Variants in BAZ1A observed in about 807,000 individuals in gnomAD.
The protein encoded by BAZ1A is bromodomain adjacent to zinc finger domain protein 1A.
BAZ1A carries 50 observed loss-of-function variants against 185.2 expected under a neutral mutation model. That is an observed-to-expected ratio of 0.27 (90% CI 0.22 to 0.34). BAZ1A has a LOEUF of 0.34. Ranked by LOEUF, BAZ1A falls within the 10% of genes least tolerant of loss-of-function variation. The pLI is 1.00. For missense variants in BAZ1A, 1,356 were observed against 1,839.9 expected, an observed-to-expected ratio of 0.74 and a Z score of 4.81; for synonymous variants, 571 against 615.6, an observed-to-expected ratio of 0.93 and a Z score of 1.07.
At chr14:34,786,605 G>GTT (rs1205690538) in intron 12 of BAZ1A, 158 of 119,118 alleles carry the variant, frequency 1.3e-3, no homozygotes, top group Non-Finnish European at 1.9e-3. Context: ...TTTTATGTGT[G>GTT]TTTTTTTTTT....
chr14:34,767,134 A>G (rs1878901390), intron 21 of BAZ1A, among the ~76,000 whole-genome samples: 1 of 152,172 alleles, frequency 6.6e-6, no homozygotes, highest in Non-Finnish European at 1.5e-5. Flanking sequence ...ATCTTTATCT[A>G]TGTTGTTTTG....
At chr14:34,756,824 A>G (rs2138524718) in intron 25 of BAZ1A, among the ~76,000 whole-genome samples, 1 of 152,194 alleles carries the variant, frequency 6.6e-6, no homozygotes, top group Non-Finnish European at 1.5e-5. Flanking sequence ...GACCATCAGC[A>G]TCATCTGGGG....
chr14:34,868,898 ATG>A (rs3062620), intron 2 of BAZ1A, among the ~76,000 whole-genome samples: 39,197 of 95,832 alleles, frequency 0.41, 5,732 homozygotes, highest in East Asian at 0.62. Context: ...GTAAGTATGT[ATG>A]TGTGTGTGTG....
chr14:34,832,452 CA>C (rs34242045), intron 3 of BAZ1A, among the ~76,000 whole-genome samples: 1,966 of 140,922 alleles, frequency 0.014, 16 homozygotes, highest in African/African-American at 0.018. Flanking sequence ...TCTCACAACT[CA>C]AAAAAAAAAA....
chr14:34,826,456 T>C (rs2042166589), intron 3 of BAZ1A, among the ~76,000 whole-genome samples: 1 of 152,212 alleles, frequency 6.6e-6, no homozygotes. Context: ...TAAAGTTAGG[T>C]TGCTGATGTG....
intron 7 of BAZ1A, 85 bp downstream of exon 7, chr14:34,802,769 T>G: frequency 7.1e-7 from 1 of 1,401,778 alleles, no homozygotes; most frequent in Non-Finnish European, 9.7e-7. Context: ...AGGCTATGGA[T>G]GTGAGGGGAG....
chr14:34,786,583 G>T (rs1880453289), intron 12 of BAZ1A: 2 of 150,356 alleles, frequency 1.3e-5, no homozygotes, highest in Non-Finnish European at 1.4e-5. Flanking sequence ...TCTATTTAAA[G>T]ATACTCCAAT....
At chr14:34,865,383 A>T (rs1309215119) in intron 2 of BAZ1A, among the ~76,000 whole-genome samples, 2 of 152,146 alleles carry the variant, frequency 1.3e-5, no homozygotes, top group Non-Finnish European at 2.9e-5. Flanking sequence ...TAACCATATA[A>T]TTCATTATTC....
At chr14:34,812,227 G>C (rs934733737) in intron 4 of BAZ1A, among the ~76,000 whole-genome samples, 1 of 151,598 alleles carries the variant, frequency 6.6e-6, no homozygotes, top group Non-Finnish European at 1.5e-5. Context: ...CAGAGATCTG[G>C]GGGGGGAGGG....
chr14:34,827,596 G>A (rs539865957), intron 3 of BAZ1A, among the ~76,000 whole-genome samples: 15 of 151,982 alleles, frequency 9.9e-5, no homozygotes, highest in African/African-American at 1.4e-4. Context: ...TTAGCCAGGC[G>A]TGGTGGCGGG....
At chr14:34,832,213 C>CATATATATAT (rs1491212993) in intron 3 of BAZ1A, among the ~76,000 whole-genome samples, 45 of 78,650 alleles carry the variant, frequency 5.7e-4, no homozygotes, top group Non-Finnish European at 6.9e-4. Context: ...CACACACACA[C>CATATATATAT]ACATATATAT....
chr14:34,825,447 C>CAAAAAAAAAAAAAAA lies in BAZ1A; in HGVS notation c.536+551_536+565dup, dbSNP rs35449855. On this transcript the variant is annotated intron_variant, in intron 4 of 26. Coordinates refer to ENST00000360310, the MANE Select transcript of BAZ1A (RefSeq NM_013448.3). ...GGGCAACAAGATGGAAACTCTGTCTCAAAAAAAAAAAAAAAAAAAAAAAAA... is the reference window on the plus strand; with the variant it reads ...GGGCAACAAGATGGAAACTCTGTCTCAAAAAAAAAAAAAAAAAAAAAAAAAAAAAAAAAAAAAAAA... 1.6e-4 allele frequency among the ~76,000 whole-genome samples: 9 copies of CAAAAAAAAAAAAAAA among 55,424 alleles called. 1 individual carries two copies. The highest frequency in any genetic ancestry group is 2.7e-4 in the Non-Finnish European group (8 of 29,582). 36.4% of individuals were successfully genotyped at this position (55,424 alleles called of 152,430 possible).
chr14:34,871,673 G>A (rs1011053770), intron 2 of BAZ1A, among the ~76,000 whole-genome samples: 4 of 152,238 alleles, frequency 2.6e-5, no homozygotes, highest in Admixed American at 6.5e-5. Flanking sequence ...AGGAGATCCA[G>A]ACCATTCTGG....
At chr14:34,868,750 G>C (rs1390159409) in intron 2 of BAZ1A, among the ~76,000 whole-genome samples, 2 of 151,728 alleles carry the variant, frequency 1.3e-5, no homozygotes, top group Non-Finnish European at 2.9e-5. Flanking sequence ...GCAGTGAGCC[G>C]AGATGGAGCC....
intron 3 of BAZ1A, among the ~76,000 whole-genome samples, chr14:34,855,156 A>G (rs947533919): frequency 6.6e-6 from 1 of 152,170 alleles, no homozygotes; most frequent in Non-Finnish European, 1.5e-5. Flanking sequence ...TTTTAAGTTC[A>G]GCCTAAAGGT....
intron 16 of BAZ1A, among the ~76,000 whole-genome samples, chr14:34,781,064 T>C (rs1156533629): frequency 6.6e-6 from 1 of 152,188 alleles, no homozygotes; most frequent in East Asian, 1.9e-4. Flanking sequence ...GTTTAATTCA[T>C]TATATTATCC....
In BAZ1A at chr14:34,874,503, G is replaced by A. The variant is rs2043009176; in HGVS notation, c.102C>T (p.Phe34=). The change falls in exon 2 of 27, where the codon TTC becomes TTT. Residue 34 remains phenylalanine, a synonymous_variant. Transcript: ENST00000360310. The surrounding 1 kb of genome is among the most constrained non-coding windows in gnomAD (Gnocchi z 4.7). The part of the protein sequence containing the change: ...VFYCKVTNEI[F]RHYDDFFERT... ...GGCCCGGCTCTTACTCGTAGTGGCG[G>A]AAGATCTCGTTGGTGACTTTACAGT... 6 of 1,612,642 alleles carry A rather than the reference G, an allele frequency of 3.7e-6. No individual in the cohort carries two copies. The highest frequency in any genetic ancestry group is 1.7e-5 in the Admixed American group (1 of 59,978).
At position 34,798,229 on chromosome 14, in the gene BAZ1A, A is replaced by T. The variant is rs575572479; in HGVS notation, c.1128+1995T>A. Reference sequence around the variant, plus strand: ...GGGCGGAGCCCACCGCAGCTCTGAAAGGCCTGCTGCGTCTGTAGACCACAC... The same window carrying T: ...GGGCGGAGCCCACCGCAGCTCTGAATGGCCTGCTGCGTCTGTAGACCACAC... On this transcript the variant is annotated intron_variant, in intron 9 of 26. Transcript: ENST00000360310. Among the ~76,000 whole-genome samples, 87 of 152,392 alleles carry T rather than the reference A, an allele frequency of 5.7e-4. 1 individual carries two copies. Among genetic ancestry groups the T allele is most frequent in the Middle Eastern group, 3.4e-3 (1 of 294 alleles).
chr14:34,805,411 C>T (rs2891295), intron 6 of BAZ1A, among the ~76,000 whole-genome samples: 89,230 of 151,938 alleles, frequency 0.59, 26,392 homozygotes, highest in South Asian at 0.67. Context: ...TGATGTCTTT[C>T]ATCACCATTT....
Sources: gnomAD v4.1 joint callset for allele counts (sites outside exome capture counted in the v4.1 genomes callset) on GRCh38, gnomAD v4.1.1 for gene constraint, Gnocchi (gnomAD v3.1) non-coding constraint, MANE v1.5 for transcripts, NCBI Gene and HGNC (gene_info 2026-07-23, HGNC 2026-07-21) for gene names.